The following BCAS1 variants were observed in gnomAD, a reference collection of about 807,000 sequenced individuals.
BCAS1 encodes brain enriched myelin associated protein 1, also known as breast carcinoma-amplified sequence 1.
BCAS1 carries 46 observed loss-of-function variants against 65.4 expected under a neutral mutation model. That is an observed-to-expected ratio of 0.70 (90% CI 0.55 to 0.90). The LOEUF (loss-of-function observed/expected upper bound fraction) is 0.90, where lower values mean the gene tolerates loss of function less well. BCAS1 is among the 40% of genes least tolerant of loss of function. The pLI, the probability that BCAS1 is intolerant of heterozygous loss-of-function variation, is 0.00. For missense variants in BCAS1, 793 were observed against 771.2 expected (o/e 1.03, Z -0.33); for synonymous variants, 298 against 293.5 (o/e 1.02, Z -0.16).
At chr20:54,004,916 A>G (rs1270143957) in intron 4 of BCAS1, among the ~76,000 whole-genome samples, 1 of 152,242 alleles carries the variant, frequency 6.6e-6, no homozygotes, top group Non-Finnish European at 1.5e-5. Context: ...GGTGATGAGT[A>G]GCACCTGCCT....
intron 3 of BCAS1, among the ~76,000 whole-genome samples, chr20:54,047,931 C>T (rs956233798): frequency 1.3e-5 from 2 of 152,198 alleles, no homozygotes; most frequent in African/African-American, 4.8e-5. Context: ...AAGTTATTTA[C>T]TTGGTGTACA....
intron 12 of BCAS1, among the ~76,000 whole-genome samples, chr20:53,950,727 G>A (rs2089493483): frequency 6.6e-6 from 1 of 152,194 alleles, no homozygotes; most frequent in South Asian, 2.1e-4. Flanking sequence ...CCAGCGCCTA[G>A]TTCAAGGCTT....
intron 12 of BCAS1, among the ~76,000 whole-genome samples, chr20:53,951,471 C>T (rs1398712345): frequency 6.6e-6 from 1 of 152,056 alleles, no homozygotes; most frequent in Non-Finnish European, 1.5e-5. Context: ...AACTCCATCT[C>T]AAAAAAACAA....
rs1410590095 is a variant in BCAS1 at position 53,944,589 on chromosome 20, G to A, written c.*333C>T. ...CTCCCAAAGTGCTGAGATTACAGGC[G>A]AGAGCCACCACGCCCGGCCACCACT... On this transcript the variant is annotated 3_prime_UTR_variant, in exon 13 of 13. Transcript: ENST00000688948. 1.9e-5 allele frequency: 5 copies of A among 265,656 alleles called. No individual in the cohort carries two copies. Among genetic ancestry groups the A allele is most frequent in the Non-Finnish European group, 3.0e-5 (4 of 133,642 alleles). The allele number at this position is 265,656 out of a possible 1,614,324, so 16.5% of individuals were successfully genotyped here.
intron 12 of BCAS1, among the ~76,000 whole-genome samples, chr20:53,952,623 C>T (rs1169553863): frequency 2.6e-5 from 4 of 151,994 alleles, no homozygotes; most frequent in African/African-American, 9.7e-5. Flanking sequence ...TATGAGTATC[C>T]TTTTTTTTGT....
intron 10 of BCAS1, among the ~76,000 whole-genome samples, chr20:53,961,781 A>C (rs1358268137): frequency 6.6e-6 from 1 of 152,238 alleles, no homozygotes; most frequent in Non-Finnish European, 1.5e-5. Flanking sequence ...AAATGACAAC[A>C]AAACAACAAA....
chr20:53,954,156 TGAGA>T (rs909641104), intron 11 of BCAS1, among the ~76,000 whole-genome samples: 5 of 152,130 alleles, frequency 3.3e-5, no homozygotes, highest in African/African-American at 1.2e-4. Flanking sequence ...TTTGCTGAAA[TGAGA>T]GAGAGGCTGG....
At chr20:54,033,134 G>A (rs1040286184) in intron 3 of BCAS1, among the ~76,000 whole-genome samples, 3 of 151,046 alleles carry the variant, frequency 2.0e-5, no homozygotes, top group Admixed American at 2.0e-4. Context: ...CAGAATCTTT[G>A]GGACACAGCT....
chr20:53,992,403 C>T, intron 7 of BCAS1, 109 bp downstream of exon 7: 3 of 894,890 alleles, frequency 3.4e-6, no homozygotes, highest in Middle Eastern at 9.6e-4. Context: ...TGATCCCCAC[C>T]ACCCAAGGCT....
intron 1 of BCAS1, among the ~76,000 whole-genome samples, chr20:54,062,095 T>C (rs1481078199): frequency 1.3e-5 from 2 of 152,220 alleles, no homozygotes; most frequent in Non-Finnish European, 2.9e-5. Flanking sequence ...CTATGATGGC[T>C]TTCATGCTAT....
intron 3 of BCAS1, among the ~76,000 whole-genome samples, chr20:54,055,470 T>G (rs944424429): frequency 2.6e-5 from 4 of 152,124 alleles, no homozygotes; most frequent in African/African-American, 9.7e-5. Context: ...TCAGATCTCA[T>G]GAGACTTATT....
At chr20:54,051,726 TTTGTTG>T (rs11470040) in intron 3 of BCAS1, among the ~76,000 whole-genome samples, 6 of 149,228 alleles carry the variant, frequency 4.0e-5, no homozygotes, top group East Asian at 2.0e-4. Flanking sequence ...TTTTTTTTTG[TTTGTTG>T]TTGTTGTTGT....
In BCAS1 at chr20:53,953,454, A is replaced by T. The variant is rs781222758; in HGVS notation, c.1793T>A (p.Leu598His). The T allele has an allele frequency of 3.7e-6, 6 of 1,613,954 alleles. No homozygotes were observed. Among genetic ancestry groups the T allele is most frequent in the Middle Eastern group, 1.7e-4 (1 of 6,054 alleles). Residue 598 changes from leucine (L) to histidine (H), a missense_variant, in exon 12 of 13, where the codon CTT becomes CAT. Coordinates refer to ENST00000688948, the MANE Select transcript of BCAS1 (RefSeq NM_001366298.2). Reference protein sequence around the residue: ...QKRPEKRQQSLGGFFKGLGPK... With the variant: ...QKRPEKRQQSHGGFFKGLGPK... Reference sequence around the variant, plus strand: ...TACCAGGCCTTTAAAGAAGCCCCCAAGGGACTGCTGCCGCTTCTCAGGTCT... The same window carrying T: ...TACCAGGCCTTTAAAGAAGCCCCCATGGGACTGCTGCCGCTTCTCAGGTCT...
intron 12 of BCAS1, among the ~76,000 whole-genome samples, chr20:53,950,114 A>G (rs1380961667): frequency 1.3e-5 from 2 of 149,700 alleles, no homozygotes; most frequent in Non-Finnish European, 3.0e-5. Flanking sequence ...TTCCCTGCTC[A>G]GATAGGATTA....
chr20:54,012,794 G>A (rs1259261593), intron 4 of BCAS1, among the ~76,000 whole-genome samples: 1 of 152,188 alleles, frequency 6.6e-6, no homozygotes, highest in Non-Finnish European at 1.5e-5. Context: ...CAATTATACA[G>A]ATGAAGAAAT....
chr20:53,999,134 G>C lies in BCAS1; in HGVS notation c.724-3084C>G, dbSNP rs1243167663. Among the ~76,000 whole-genome samples the C allele has an allele frequency of 2.0e-5, 3 of 152,088 alleles. No individual in the cohort carries two copies. In the East Asian group the frequency reaches 5.8e-4, roughly 29 times the overall value. The stretch of plus-strand genomic sequence containing the variant: ...AACATCATATAAATTAAATCCAGGT[G>C]GTGGAAAACCAAGATCCTCATAGGG... On this transcript the variant is annotated intron_variant, in intron 4 of 12. Coordinates refer to ENST00000688948, the MANE Select transcript of BCAS1 (RefSeq NM_001366298.2).
chr20:54,009,765 C>T (rs919426721), intron 4 of BCAS1, among the ~76,000 whole-genome samples: 1 of 151,892 alleles, frequency 6.6e-6, no homozygotes, highest in African/African-American at 2.4e-5. Flanking sequence ...AAAGATGGCA[C>T]CAAAGAAATG....
intron 9 of BCAS1, among the ~76,000 whole-genome samples, chr20:53,971,950 G>C (rs1267015599): frequency 6.6e-6 from 1 of 152,160 alleles, no homozygotes; most frequent in Non-Finnish European, 1.5e-5. Context: ...ATTTCTGATA[G>C]GACCAGAAGC....
At chr20:53,993,542 C>T (rs184849489) in intron 6 of BCAS1, among the ~76,000 whole-genome samples, 5 of 152,228 alleles carry the variant, frequency 3.3e-5, no homozygotes, top group Non-Finnish European at 7.4e-5. Flanking sequence ...CAGCTGGGTA[C>T]GTTCAGTTTT....
Sources: allele counts gnomAD v4.1 joint callset (sites outside exome capture counted in the v4.1 genomes callset), GRCh38; gene constraint gnomAD v4.1.1; transcripts MANE v1.5; gene names NCBI Gene and HGNC (gene_info 2026-07-23, HGNC 2026-07-21).